RYR2: variants seen among roughly 807,000 people sequenced by gnomAD.
RYR2 encodes the protein cardiac muscle ryanodine receptor-calcium release channel.
A neutral mutation model predicts 601.1 loss-of-function variants in RYR2; 227 were observed. The ratio of observed to expected loss-of-function variants is 0.38; its 90% CI spans 0.34 to 0.42. The LOEUF (loss-of-function observed/expected upper bound fraction) is 0.42. Ranked by LOEUF, RYR2 falls within the 10% of genes least tolerant of loss-of-function variation. RYR2 has a pLI of 1.00. For missense variants in RYR2, 4,646 were observed against 6,156.5 expected (o/e 0.75, Z 8.21); for synonymous variants, 2,223 against 2,175.1 (o/e 1.02, Z -0.61).
chr1:237,543,178 C>G (rs529038513), intron 25 of RYR2, among the ~76,000 whole-genome samples: 4 of 152,230 alleles, frequency 2.6e-5, no homozygotes, highest in African/African-American at 9.6e-5. Flanking sequence ...CCCTCTCTCT[C>G]TCTTGAAATG....
chr1:237,251,056 GTGTGTGTA>G (rs780885843), intron 1 of RYR2, among the ~76,000 whole-genome samples: 60 of 140,184 alleles, frequency 4.3e-4, no homozygotes, highest in East Asian at 9.1e-4. Flanking sequence ...GTGTGTGTGT[GTGTGTGTA>G]TGCATATAGA....
At chr1:237,109,752 G>A (rs1669232519) in intron 1 of RYR2, among the ~76,000 whole-genome samples, 1 of 151,878 alleles carries the variant, frequency 6.6e-6, no homozygotes, top group African/African-American at 2.4e-5. Flanking sequence ...TAATTTCCTG[G>A]GATAGGTAGG....
chr1:237,642,395 A>C (rs1345164209), intron 47 of RYR2, among the ~76,000 whole-genome samples: 1 of 152,226 alleles, frequency 6.6e-6, no homozygotes, highest in East Asian at 1.9e-4. Flanking sequence ...AGAGACTATT[A>C]AAAATTTCTG....
At chr1:237,505,321 A>G (rs756033389) in intron 22 of RYR2, among the ~76,000 whole-genome samples, 2 of 152,224 alleles carry the variant, frequency 1.3e-5, no homozygotes, top group Non-Finnish European at 2.9e-5. Context: ...ATGGTGAAGT[A>G]GCTTCAGTGA....
chr1:237,816,050 G>A (rs562710268), intron 100 of RYR2, among the ~76,000 whole-genome samples: 19 of 152,202 alleles, frequency 1.2e-4, no homozygotes, highest in African/African-American at 4.1e-4. Context: ...GCTGTCACAC[G>A]CAGTTCCTCA....
intron 1 of RYR2, among the ~76,000 whole-genome samples, chr1:237,098,079 G>A (rs945502745): frequency 3.9e-5 from 6 of 152,034 alleles, no homozygotes; most frequent in African/African-American, 1.2e-4. Flanking sequence ...TTAATTTCCC[G>A]TAGGAATGGT....
chr1:237,446,610 TTCTTTTATAAACCATC>T (rs1708362005), intron 14 of RYR2, among the ~76,000 whole-genome samples: 3 of 152,184 alleles, frequency 2.0e-5, no homozygotes, highest in Admixed American at 1.3e-4. Context: ...TATTTTCTAC[TTCTTTTATAAACCATC>T]TCTTTTATAA....
intron 10 of RYR2, among the ~76,000 whole-genome samples, chr1:237,401,930 T>C (rs1397249007): frequency 2.0e-5 from 3 of 152,006 alleles, no homozygotes; most frequent in South Asian, 4.2e-4. Context: ...ACTTGGAAAA[T>C]TCCAAGGGTG....
chr1:237,199,082 G>A (rs1680891102), intron 1 of RYR2, among the ~76,000 whole-genome samples: 1 of 152,202 alleles, frequency 6.6e-6, no homozygotes, highest in Non-Finnish European at 1.5e-5. Flanking sequence ...GTCCTGCAGA[G>A]TGTGTGAAAC....
At chr1:237,712,902 A>G (rs1688961396) in intron 71 of RYR2, among the ~76,000 whole-genome samples, 1 of 152,206 alleles carries the variant, frequency 6.6e-6, no homozygotes, top group Non-Finnish European at 1.5e-5. Context: ...AAAGATCCAA[A>G]AATGACTGCT....
intron 1 of RYR2, among the ~76,000 whole-genome samples, chr1:237,202,752 C>T (rs756267786): frequency 2.6e-5 from 4 of 152,110 alleles, no homozygotes; most frequent in African/African-American, 7.2e-5. Flanking sequence ...GAACAGTTTT[C>T]GTTCCAGCAT....
At chr1:237,617,971 G>A (rs1573146485) in intron 38 of RYR2, among the ~76,000 whole-genome samples, 1 of 152,130 alleles carries the variant, frequency 6.6e-6, no homozygotes, top group Non-Finnish European at 1.5e-5. Flanking sequence ...ACAGAACAAA[G>A]GGAACCTGCC....
At chr1:237,349,311 A>T (rs549210824) in intron 3 of RYR2, among the ~76,000 whole-genome samples, 16 of 152,302 alleles carry the variant, frequency 1.1e-4, no homozygotes, top group African/African-American at 3.6e-4. Context: ...TAATGTTGTG[A>T]GGAAAAATAA....
chr1:237,531,067 T>A (rs1572742257), intron 25 of RYR2, among the ~76,000 whole-genome samples: 1 of 152,204 alleles, frequency 6.6e-6, no homozygotes, highest in African/African-American at 2.4e-5. Context: ...TGTGTTATTT[T>A]CCCAGTGTGT....
intron 59 of RYR2, 115 bp downstream of exon 59, chr1:237,674,334 A>T: frequency 1.2e-6 from 1 of 806,044 alleles, no homozygotes; most frequent in Non-Finnish European, 2.0e-6. Flanking sequence ...CTTTTGAGGT[A>T]CTGTTTAATA....
chr1:237,416,623 A>T (rs1705015859), intron 10 of RYR2, among the ~76,000 whole-genome samples: 1 of 152,224 alleles, frequency 6.6e-6, no homozygotes, highest in Admixed American at 6.5e-5. Flanking sequence ...AAGTGCAAAT[A>T]TTTATATACA....
At chr1:237,541,064 TC>T (rs1366743891) in intron 25 of RYR2, among the ~76,000 whole-genome samples, 4 of 152,314 alleles carry the variant, frequency 2.6e-5, no homozygotes, top group Middle Eastern at 3.4e-3. Flanking sequence ...AATATTTACC[TC>T]AGTGAAAAAT....
chr1:237,806,357 C>T, intron 99 of RYR2, 74 bp downstream of exon 99: 4 of 1,389,394 alleles, frequency 2.9e-6, no homozygotes, highest in South Asian at 2.6e-5. Flanking sequence ...AATAAAACTA[C>T]CCCTCAAATG....
At position 237,610,511 on chromosome 1, in the gene RYR2, T is replaced by C. The variant is rs962414759; in HGVS notation, c.4684-251T>C. 6.6e-6 allele frequency among the ~76,000 whole-genome samples: 1 copy of C among 152,212 alleles called. No homozygotes were observed. The highest frequency in any genetic ancestry group is 2.4e-5 in the African/African-American group (1 of 41,462). The stretch of plus-strand genomic sequence containing the variant: ...CCTTCTCTCTGTGCCATTCAGTATA[T>C]GGGAAAGACACATCCCGAAACCTGT... On this transcript the variant is annotated intron_variant, in intron 35 of 104. Coordinates refer to ENST00000366574, the MANE Select transcript of RYR2 (RefSeq NM_001035.3). This position sits in a 1 kb window ranked among gnomAD's most constrained non-coding sequence, Gnocchi z 4.9.
Sources: gnomAD v4.1 joint callset for allele counts (sites outside exome capture counted in the v4.1 genomes callset) on GRCh38, gnomAD v4.1.1 for gene constraint, Gnocchi (gnomAD v3.1) non-coding constraint, MANE v1.5 for transcripts, NCBI Gene and HGNC (gene_info 2026-07-23, HGNC 2026-07-21) for gene names.